The following RRM2B variants were observed in gnomAD, a reference collection of about 807,000 sequenced individuals.
RRM2B encodes the protein ribonucleotide reductase regulatory TP53 inducible subunit M2B, also known as ribonucleoside-diphosphate reductase subunit M2 B.
A neutral mutation model predicts 45.9 loss-of-function variants in RRM2B; 20 were observed. That is an observed-to-expected ratio of 0.44 (90% CI 0.31 to 0.63). The LOEUF (loss-of-function observed/expected upper bound fraction) is 0.63. Among genes scored for constraint, RRM2B ranks in the 30% least tolerant of loss-of-function variants. The pLI, the probability that RRM2B is intolerant of heterozygous loss-of-function variation, is 0.09. For synonymous variants in RRM2B, 124 were observed against 132.3 expected (o/e 0.94, Z 0.43); for missense variants, 320 against 414.7 (o/e 0.77, Z 1.98).
intron 3 of RRM2B, among the ~76,000 whole-genome samples, chr8:102,225,222 T>C (rs1179549130): frequency 6.7e-6 from 1 of 149,746 alleles, no homozygotes; most frequent in East Asian, 2.0e-4. Context: ...ATTTGCATAG[T>C]ATATTCTTTT....
chr8:102,236,736 GAAAT>G (rs1351183578), intron 1 of RRM2B, among the ~76,000 whole-genome samples: 1 of 152,236 alleles, frequency 6.6e-6, no homozygotes, highest in Non-Finnish European at 1.5e-5. Flanking sequence ...ATGAGAATTT[GAAAT>G]AAAGTTTAGC....
chr8:102,221,848 A>T (rs955020803), intron 5 of RRM2B, among the ~76,000 whole-genome samples: 1 of 152,074 alleles, frequency 6.6e-6, no homozygotes. Context: ...TAATATTTTC[A>T]GCGTATATGG....
In RRM2B at chr8:102,208,176, G is replaced by A; in HGVS notation, c.1013C>T (p.Ala338Val). The A allele has an allele frequency of 1.9e-6, 3 of 1,613,386 alleles. No individual in the cohort carries two copies. The Middle Eastern group carries it at 5.0e-4, about 266-fold the overall frequency. ...VSEYQRFAVM[A>V]ETTDNVFTLD... ...GGTGAAGACGTTATCTGTGGTTTCT[G>A]CCATAACTGCAAAACGCTGATACTC... Residue 338 changes from alanine (A) to valine (V), a missense_variant, in exon 9 of 9, where the codon GCA becomes GTA. Physicochemically the swap from Ala to Val is moderately conservative, Grantham distance 64 (BLOSUM62 0). Around this residue, in one of 3 missense-constraint regions of RRM2B, gnomAD observed 47 missense variants for 90.0 expected, o/e 0.52. Coordinates refer to ENST00000251810, the MANE Select transcript of RRM2B (RefSeq NM_015713.5).
intron 2 of RRM2B, among the ~76,000 whole-genome samples, chr8:102,229,931 C>T (rs1169740998): frequency 6.6e-6 from 1 of 152,122 alleles, no homozygotes; most frequent in Non-Finnish European, 1.5e-5. Context: ...TTGTAAGATG[C>T]TTCCTCTTAA....
chr8:102,237,379 G>A (rs1316261807), intron 1 of RRM2B, among the ~76,000 whole-genome samples: 3 of 152,124 alleles, frequency 2.0e-5, no homozygotes, highest in Non-Finnish European at 4.4e-5. Context: ...TTTAATATGT[G>A]TACCAGGATC....
intron 6 of RRM2B, among the ~76,000 whole-genome samples, chr8:102,215,813 A>G (rs1331763159): frequency 1.3e-5 from 2 of 151,518 alleles, no homozygotes; most frequent in South Asian, 2.1e-4. Flanking sequence ...ATGTGGTGGT[A>G]CATGCATGTA....
At chr8:102,228,546 C>T (rs2132558748) in intron 2 of RRM2B, among the ~76,000 whole-genome samples, 1 of 152,372 alleles carries the variant, frequency 6.6e-6, no homozygotes, top group South Asian at 2.1e-4. Flanking sequence ...GCCGTTAAAA[C>T]TTAAGCCATC....
chr8:102,233,637 C>T lies in RRM2B; in HGVS notation c.49-1333G>A, dbSNP rs28999690. ...TCACATTTTCCCCTCTTCACATCAC[C>T]CCAAAGGTCTGGGTTAGGTTCCAGA... On this transcript the variant is annotated intron_variant, in intron 1 of 8. Coordinates refer to ENST00000251810, the MANE Select transcript of RRM2B (RefSeq NM_015713.5). 2.7e-3 allele frequency among the ~76,000 whole-genome samples: 418 copies of T among 152,310 alleles called. 1 individual carries two copies. The highest frequency in any genetic ancestry group is 9.5e-3 in the African/African-American group (393 of 41,562).
chr8:102,210,699 G>C (rs1810620871), intron 8 of RRM2B, among the ~76,000 whole-genome samples: 1 of 152,126 alleles, frequency 6.6e-6, no homozygotes, highest in Admixed American at 6.5e-5. Context: ...CTGACCTCAG[G>C]TGATCCACCT....
chr8:102,227,197 A>C (rs1345064984), intron 2 of RRM2B, among the ~76,000 whole-genome samples: 1 of 152,024 alleles, frequency 6.6e-6, no homozygotes, highest in African/African-American at 2.4e-5. Context: ...TATGGCTTCC[A>C]TTGGGAATGG....
chr8:102,235,829 G>A (rs1262600823), intron 1 of RRM2B, among the ~76,000 whole-genome samples: 1 of 152,074 alleles, frequency 6.6e-6, no homozygotes, highest in Non-Finnish European at 1.5e-5. Flanking sequence ...GTGACAGAGT[G>A]AGACTCCGTC....
chr8:102,226,838 C>T (rs776813969), intron 2 of RRM2B, among the ~76,000 whole-genome samples: 5 of 152,084 alleles, frequency 3.3e-5, no homozygotes, highest in African/African-American at 4.8e-5. Context: ...CTCAGCCTCC[C>T]GAGTAGCTGG....
intron 2 of RRM2B, among the ~76,000 whole-genome samples, chr8:102,227,459 C>T (rs1206591018): frequency 6.6e-6 from 1 of 152,044 alleles, no homozygotes; most frequent in African/African-American, 2.4e-5. Flanking sequence ...CAAAACCATG[C>T]CTGGCTAATT....
rs1810524727 is a variant in RRM2B at position 102,205,282 on chromosome 8, C to A, written c.*2851G>T. ...TGTTAGCATATTTAAATGTAAAATG[C>A]AAAATGATTAATTTTTAAATATGCA... On this transcript the variant is annotated 3_prime_UTR_variant, in exon 9 of 9. Transcript: ENST00000251810. 6.6e-6 allele frequency: 1 copy of A among 152,064 alleles called. No individual in the cohort carries two copies. Among genetic ancestry groups the A allele is most frequent in the Non-Finnish European group, 1.5e-5 (1 of 67,992 alleles). 9.4% of individuals were successfully genotyped at this position (152,064 alleles called of 1,614,324 possible).
At position 102,214,041 on chromosome 8, in the gene RRM2B, C is replaced by A. The variant is rs757653935; in HGVS notation, c.789+13G>T. The A allele has an allele frequency of 6.4e-7, 1 of 1,572,518 alleles. No individual in the cohort carries two copies. The highest frequency in any genetic ancestry group is 8.8e-7 in the Non-Finnish European group (1 of 1,142,432). Reference sequence around the variant, plus strand: ...AAGAGAGATGTGCTAATTACACAAACTTCCCGGTTTACCTGCTCAATTTTG... The same window carrying A: ...AAGAGAGATGTGCTAATTACACAAAATTCCCGGTTTACCTGCTCAATTTTG... On this transcript the variant is annotated intron_variant, in intron 7 of 8. Transcript: ENST00000251810.
chr8:102,232,827 A>C (rs768217939), intron 1 of RRM2B, among the ~76,000 whole-genome samples: 1 of 152,202 alleles, frequency 6.6e-6, no homozygotes, highest in Non-Finnish European at 1.5e-5. Context: ...CTCATTACCT[A>C]CAACTTAACC....
chr8:102,233,012 T>C (rs750671165), intron 1 of RRM2B, among the ~76,000 whole-genome samples: 10 of 152,210 alleles, frequency 6.6e-5, no homozygotes, highest in Non-Finnish European at 4.4e-5. Flanking sequence ...AATGGTGCCA[T>C]GCATATATTT....
In RRM2B at chr8:102,225,022, A is replaced by T. The variant is rs759330435; in HGVS notation, c.322-4T>A. 6.2e-7 allele frequency: 1 copy of T among 1,614,046 alleles called. No individual in the cohort carries two copies. Among genetic ancestry groups the T allele is most frequent in the Non-Finnish European group, 8.5e-7 (1 of 1,179,956 alleles). ...CCTCCTGACTAAAGCGCTCCACCTA[A>T]GAAGATAAGGAAAATAGATATATCC... On this transcript the variant is annotated splice_region_variant and splice_polypyrimidine_tract_variant and intron_variant, in intron 3 of 8. Transcript: ENST00000251810.
Position 102,210,057 on chromosome 8 carries a change from G to A in RRM2B, c.904-1772C>T, listed in dbSNP as rs150720319. ...CTAATAGGGATACAGTTTCTTTATG[G>A]GGTGATAAAAATGTTCTAAAATAGG... On this transcript the variant is annotated intron_variant, in intron 8 of 8. Transcript: ENST00000251810. Among the ~76,000 whole-genome samples the A allele has an allele frequency of 2.9e-3, 447 of 152,274 alleles. 3 individuals are homozygous for A. Among genetic ancestry groups the A allele is most frequent in the African/African-American group, 0.01 (422 of 41,552 alleles).
Sources: gnomAD v4.1 joint callset for allele counts (sites outside exome capture counted in the v4.1 genomes callset) on GRCh38, gnomAD v4.1.1 for gene constraint, gnomAD v4.1.1 regional missense constraint, MANE v1.5 for transcripts, NCBI Gene and HGNC (gene_info 2026-07-23, HGNC 2026-07-21) for gene names.